PLA2G6: variants seen among roughly 807,000 people sequenced by gnomAD.
PLA2G6 encodes 85/88 kDa calcium-independent phospholipase A2.
Under a neutral mutation model 83.8 loss-of-function variants are expected in PLA2G6, and 62 were observed. That is an observed-to-expected ratio of 0.74 (90% CI 0.60 to 0.91). PLA2G6 has a LOEUF of 0.91. Among genes scored for constraint, PLA2G6 ranks in the 40% least tolerant of loss-of-function variants. The pLI is 0.00. For synonymous variants in PLA2G6, 417 were observed against 449.8 expected (o/e 0.93, Z 0.92); for missense variants, 944 against 1,102.0 (o/e 0.86, Z 2.03).
At chr22:38,166,871 T>C (rs1388603744) in intron 2 of PLA2G6, among the ~76,000 whole-genome samples, 4 of 152,204 alleles carry the variant, frequency 2.6e-5, no homozygotes, top group Admixed American at 1.3e-4. Flanking sequence ...CCCAAGGCTA[T>C]TTTCTCATGC....
intron 10 of PLA2G6, among the ~76,000 whole-genome samples, chr22:38,124,304 T>C (rs1188740713): frequency 2.6e-5 from 4 of 152,156 alleles, no homozygotes; most frequent in Non-Finnish European, 5.9e-5. Context: ...TCTGTGCATA[T>C]TTTTGAGTGA....
intron 8 of PLA2G6, among the ~76,000 whole-genome samples, chr22:38,129,046 A>G (rs376929933): frequency 6.6e-6 from 1 of 152,174 alleles, no homozygotes; most frequent in African/African-American, 2.4e-5. Flanking sequence ...ATGGCCATGC[A>G]CTCTGCCCAC....
Position 38,113,670 on chromosome 22 carries a change from C to T in PLA2G6, c.2035-16G>A. On this transcript the variant is annotated splice_polypyrimidine_tract_variant and intron_variant, in intron 14 of 16. Coordinates refer to ENST00000332509, the MANE Select transcript of PLA2G6 (RefSeq NM_003560.4). ...TGGCCTGACCCTGTTGGGAACAGGA[C>T]AGGGGCAGTCAGAAGAGACCTTCCA... 2 of 1,612,900 alleles carry T rather than the reference C, an allele frequency of 1.2e-6. No individual in the cohort carries two copies. Among genetic ancestry groups the T allele is most frequent in the Non-Finnish European group, 1.7e-6 (2 of 1,179,696 alleles).
Position 38,145,625 on chromosome 22 carries a change from C to A in PLA2G6, c.238G>T (p.Ala80Ser), listed in dbSNP as rs121908685. Reference sequence around the variant, plus strand: ...GAATACTGATGGAAATTCACTAGGGCGTCAGCCTCCAACTCCAGCTGGAAG... The same window carrying A: ...GAATACTGATGGAAATTCACTAGGGAGTCAGCCTCCAACTCCAGCTGGAAG... Reference protein sequence around the residue: ...RLFQLELEADALVNFHQYSSQ... With the variant: ...RLFQLELEADSLVNFHQYSSQ... The change falls in exon 3 of 17, where the codon GCC becomes TCC. Residue 80 changes from alanine to serine, a missense_variant. Coordinates refer to ENST00000332509, the MANE Select transcript of PLA2G6 (RefSeq NM_003560.4). 1 of 1,612,948 alleles carries A rather than the reference C, an allele frequency of 6.2e-7. No individual in the cohort carries two copies. The highest frequency in any genetic ancestry group is 8.5e-7 in the Non-Finnish European group (1 of 1,179,604).
rs752149665 is a variant in PLA2G6, at chr22:38,123,985, G to A, written c.1428-727C>T. Among the ~76,000 whole-genome samples the A allele has an allele frequency of 6.6e-6, 1 of 152,028 alleles. No homozygotes were observed. The highest frequency in any genetic ancestry group is 1.5e-5 in the Non-Finnish European group (1 of 68,002). ...CGAGTAGCTGGGATCACAGGTGCCC[G>A]CCACCACACCCAGCTAATTTTGTAT... On this transcript the variant is annotated intron_variant, in intron 10 of 16. Transcript: ENST00000332509. This position sits in a 1 kb window ranked among gnomAD's most constrained non-coding sequence, Gnocchi z 4.1.
chr22:38,180,517 T>C (rs1211094925), intron 1 of PLA2G6: 1 of 152,236 alleles, frequency 6.6e-6, no homozygotes, highest in Admixed American at 6.5e-5. Flanking sequence ...GAATGAATGG[T>C]GAAGAGAACA....
At chr22:38,121,358 G>A (rs570340345) in intron 11 of PLA2G6, among the ~76,000 whole-genome samples, 46 of 152,110 alleles carry the variant, frequency 3.0e-4, no homozygotes, top group African/African-American at 1.0e-3. Flanking sequence ...CCTGGGCAAC[G>A]GAGAGACTCA....
intron 7 of PLA2G6, chr22:38,130,899 G>A (rs1285437379): frequency 1.3e-5 from 2 of 152,192 alleles, no homozygotes; most frequent in Non-Finnish European, 2.9e-5. Context: ...TACTCGGGAA[G>A]CTGAGGCAGG....
intron 6 of PLA2G6, chr22:38,134,181 C>T (rs1477143108): frequency 6.6e-6 from 1 of 152,654 alleles, no homozygotes; most frequent in Non-Finnish European, 1.5e-5. Context: ...TCCTTCAGCT[C>T]TGGGACTTGG....
intron 5 of PLA2G6, 199 bp downstream of exon 5, chr22:38,139,783 G>A: frequency 1.7e-6 from 1 of 591,644 alleles, no homozygotes; most frequent in Non-Finnish European, 3.0e-6. Context: ...TGTGAACCGA[G>A]ATTCCTACCC....
intron 2 of PLA2G6, among the ~76,000 whole-genome samples, chr22:38,153,095 A>C (rs376075732): frequency 8.7e-4 from 133 of 152,286 alleles, no homozygotes; most frequent in Middle Eastern, 3.4e-3. Context: ...TGGTGGTTAC[A>C]TGGGGGTGTT....
intron 8 of PLA2G6, 86 bp downstream of exon 8, chr22:38,129,368 C>T (rs2088065803): frequency 1.1e-6 from 1 of 938,742 alleles, no homozygotes; most frequent in Non-Finnish European, 1.8e-6. Context: ...GATGCTGGCA[C>T]CTGATGCCTG....
intron 2 of PLA2G6, among the ~76,000 whole-genome samples, chr22:38,153,003 G>A (rs1174279444): frequency 2.0e-5 from 3 of 152,194 alleles, no homozygotes; most frequent in Non-Finnish European, 4.4e-5. Flanking sequence ...TGTTGCCCAG[G>A]GATGGGGTGG....
At chr22:38,140,593 G>A in intron 4 of PLA2G6, 1 of 227,880 alleles carries the variant, frequency 4.4e-6, no homozygotes, top group African/African-American at 2.3e-5. Context: ...CATGACTGTG[G>A]CTCACATGAA....
In PLA2G6 at chr22:38,143,168, G is replaced by A. The variant is rs896183391; in HGVS notation, c.546C>T (p.Thr182=). The A allele has an allele frequency of 9.3e-6, 15 of 1,614,046 alleles. No homozygotes were observed. Among genetic ancestry groups the A allele is most frequent in the African/African-American group, 5.3e-5 (4 of 74,906 alleles). The stretch of plus-strand genomic sequence containing the variant: ...GGAAGACGGTCTCTCCCTTGTAGTC[G>A]GTGACATCCATCTGAGTGTGGCAGT... ...VQYCHTQMDV[T]DYKGETVFHY... is the part of the protein sequence containing the mutation. Residue 182 remains threonine (T), a synonymous_variant, in exon 4 of 17, where the codon ACC becomes ACT. Coordinates refer to ENST00000332509, the MANE Select transcript of PLA2G6 (RefSeq NM_003560.4).
chr22:38,166,062 G>C (rs1166197766), intron 2 of PLA2G6, among the ~76,000 whole-genome samples: 1 of 152,170 alleles, frequency 6.6e-6, no homozygotes, highest in Non-Finnish European at 1.5e-5. Flanking sequence ...CTGTGGTCTG[G>C]AGAAGCGAGC....
chr22:38,128,521 CCT>C lies in PLA2G6; in HGVS notation c.1187-93_1187-92del, dbSNP rs11570699. The C allele has an allele frequency of 3.8e-3, 5,278 of 1,403,980 alleles. 14 individuals carry two copies. The highest frequency in any genetic ancestry group is 0.01 in the Middle Eastern group (50 of 4,792). 87.0% of individuals were successfully genotyped at this position (1,403,980 alleles called of 1,614,324 possible). On this transcript the variant is annotated intron_variant, in intron 8 of 16. Coordinates refer to ENST00000332509, the MANE Select transcript of PLA2G6 (RefSeq NM_003560.4). This position sits in a 1 kb window ranked among gnomAD's most constrained non-coding sequence, Gnocchi z 4.4. ...GGCCCCTCCTTTCCACACTCCGTCC[CCT>C]GTCCCAGCTCCCAGGCCCTGGGCAC... is the stretch of plus-strand genomic sequence containing the variant.
rs552776472 is a variant in PLA2G6, at chr22:38,139,896, G to A, written c.797+86C>T. 1.4e-4 allele frequency: 152 copies of A among 1,081,616 alleles called. 1 individual carries two copies. In the African/African-American group the frequency reaches 2.2e-3, roughly 16 times the overall value. The allele number at this position is 1,081,616 out of a possible 1,614,324, so 67.0% of individuals were successfully genotyped here. A position where few individuals can be genotyped will look rare whatever the true frequency, so the allele number is the denominator to read the frequency against. ...GGCTGGAGATGCTAAGATCTATGGT[G>A]GATACTGCTTGCCTCAGGCACGGGA... On this transcript the variant is annotated intron_variant, in intron 5 of 16. Transcript: ENST00000332509.
chr22:38,113,426 A>C, intron 15 of PLA2G6, 61 bp downstream of exon 15: 1 of 1,518,214 alleles, frequency 6.6e-7, no homozygotes, highest in South Asian at 1.1e-5. Context: ...GATGAGGGGA[A>C]GCCATCGACC....
Sources: allele counts gnomAD v4.1 joint callset (sites outside exome capture counted in the v4.1 genomes callset), GRCh38; gene constraint gnomAD v4.1.1; non-coding constraint Gnocchi (gnomAD v3.1); transcripts MANE v1.5; gene names NCBI Gene and HGNC (gene_info 2026-07-23, HGNC 2026-07-21).